Variants in GREB1L observed in about 807,000 individuals in gnomAD.
GREB1L encodes the protein GREB1-like protein.
Under a neutral mutation model 200.8 loss-of-function variants are expected in GREB1L, and 17 were observed. The ratio of observed to expected loss-of-function variants is 0.08; its 90% CI spans 0.06 to 0.13. The LOEUF (loss-of-function observed/expected upper bound fraction) is 0.13. GREB1L is among the 10% of genes least tolerant of loss of function. The pLI, the probability that GREB1L is intolerant of heterozygous loss-of-function variation, is 1.00. For synonymous variants in GREB1L, 789 were observed against 893.0 expected (o/e 0.88, Z 2.08); for missense variants, 1,657 against 2,367.7 (o/e 0.70, Z 6.23).
rs983273395 is a variant in GREB1L at position 21,526,064 on chromosome 18, A to G, written c.*3243A>G. On this transcript the variant is annotated 3_prime_UTR_variant, in exon 33 of 33. Coordinates refer to ENST00000424526, the MANE Select transcript of GREB1L (RefSeq NM_001142966.3). ...GACTGCTGCAACATCACACTAAACTACTTAGGCCTGAAACAACATCCAGAG... is the reference window on the plus strand; with the variant it reads ...GACTGCTGCAACATCACACTAAACTGCTTAGGCCTGAAACAACATCCAGAG... 1.3e-5 allele frequency among the ~76,000 whole-genome samples: 2 copies of G among 152,176 alleles called. No individual in the cohort carries two copies. Among genetic ancestry groups the G allele is most frequent in the African/African-American group, 4.8e-5 (2 of 41,438 alleles).
intron 1 of GREB1L, among the ~76,000 whole-genome samples, chr18:21,286,254 A>C (rs1037500157): frequency 6.6e-6 from 1 of 152,184 alleles, no homozygotes; most frequent in African/African-American, 2.4e-5. Flanking sequence ...CCTGTATGTG[A>C]AGTTGATTAG....
chr18:21,518,129 G>A lies in GREB1L; in HGVS notation c.5367G>A (p.Leu1789=). ...TGGCAGCCCCTGCACAGTTTCTCCTGGAGAAATTCCTTCAGCACGCCTCAT... is the reference window on the plus strand; with the variant it reads ...TGGCAGCCCCTGCACAGTTTCTCCTAGAGAAATTCCTTCAGCACGCCTCAT... ...TLLAAPAQFL[L]EKFLQHASYK... is the part of the protein sequence containing the mutation. Residue 1789 remains leucine, a synonymous_variant, in exon 31 of 33, where the codon CTG becomes CTA. Transcript: ENST00000424526. 6.4e-7 allele frequency: 1 copy of A among 1,551,614 alleles called. No individual in the cohort carries two copies. The highest frequency in any genetic ancestry group is 8.7e-7 in the Non-Finnish European group (1 of 1,146,982).
intron 15 of GREB1L, among the ~76,000 whole-genome samples, chr18:21,469,532 C>T (rs572236843): frequency 2.0e-5 from 3 of 152,182 alleles, no homozygotes; most frequent in African/African-American, 7.2e-5. Flanking sequence ...TTCCAAGAAA[C>T]CTGATTCCTT....
chr18:21,256,940 G>A (rs1339660396), intron 1 of GREB1L, among the ~76,000 whole-genome samples: 12 of 150,494 alleles, frequency 8.0e-5, no homozygotes, highest in African/African-American at 2.0e-4. Flanking sequence ...GGGAGGTGGC[G>A]GTTGCAGTGA....
chr18:21,380,384 G>A (rs1256651093), intron 2 of GREB1L: 5 of 152,100 alleles, frequency 3.3e-5, no homozygotes, highest in Non-Finnish European at 7.3e-5. Context: ...GCATCCTCAG[G>A]GTTCTTCTCA....
intron 7 of GREB1L, among the ~76,000 whole-genome samples, chr18:21,407,320 C>T (rs754398009): frequency 5.9e-5 from 9 of 152,060 alleles, no homozygotes; most frequent in Non-Finnish European, 1.2e-4. Flanking sequence ...TTAATCGGGA[C>T]GAGAATTCAG....
intron 1 of GREB1L, among the ~76,000 whole-genome samples, chr18:21,243,873 T>C (rs1356648316): frequency 6.6e-6 from 1 of 151,936 alleles, no homozygotes; most frequent in Non-Finnish European, 1.5e-5. Context: ...CAGTGAAGAG[T>C]ATACAGTGTA....
At chr18:21,373,582 C>CCTTG (rs929103548) in intron 2 of GREB1L, among the ~76,000 whole-genome samples, 1 of 152,218 alleles carries the variant, frequency 6.6e-6, no homozygotes, top group African/African-American at 2.4e-5. Flanking sequence ...GATCCACCCG[C>CCTTG]CTTGGCCTCC....
At chr18:21,480,077 G>A (rs1279909136) in intron 17 of GREB1L, among the ~76,000 whole-genome samples, 1 of 152,134 alleles carries the variant, frequency 6.6e-6, no homozygotes, top group South Asian at 2.1e-4. Flanking sequence ...TTGGCTAGGC[G>A]CGGTGGCTCA....
chr18:21,242,819 G>A (rs1459055267), intron 1 of GREB1L, among the ~76,000 whole-genome samples: 1 of 152,140 alleles, frequency 6.6e-6, no homozygotes, highest in Non-Finnish European at 1.5e-5. Flanking sequence ...GGGGCACCTG[G>A]TTCGTCTCCC....
chr18:21,499,897 A>G lies in GREB1L; in HGVS notation c.3560A>G (p.Asp1187Gly). 1 of 1,549,470 alleles carries G rather than the reference A, an allele frequency of 6.5e-7. No homozygotes were observed. The highest frequency in any genetic ancestry group is 8.7e-7 in the Non-Finnish European group (1 of 1,146,170). ...GGGGAGACTCTGAAGCAGGAATGTG[A>G]CTCCCTGGGCCCCCAGATGGCGAGC... is the stretch of plus-strand genomic sequence containing the variant. The part of the protein sequence containing the change: ...GAGETLKQEC[D>G]SLGPQMASST... The change falls in exon 22 of 33, where the codon GAC (aspartate) becomes GGC (glycine). Residue 1187 changes from aspartate (D) to glycine (G), a missense_variant. By Grantham distance (94) the Asp-to-Gly change is moderately conservative (BLOSUM62 -1). Transcript: ENST00000424526.
At chr18:21,449,349 T>G (rs1171438625) in intron 11 of GREB1L, among the ~76,000 whole-genome samples, 161 bp from the exon 12 acceptor site, 9 of 152,162 alleles carry the variant, frequency 5.9e-5, no homozygotes, top group Admixed American at 5.9e-4. Context: ...AGGGAATGAT[T>G]AGTAGGGACT....
chr18:21,274,613 G>T lies in GREB1L; in HGVS notation c.-120+32220G>T, dbSNP rs1407486702. Among the ~76,000 whole-genome samples, 9 of 152,158 alleles carry T rather than the reference G, an allele frequency of 5.9e-5. 1 individual carries two copies. In the South Asian group the frequency reaches 1.0e-3, roughly 18 times the overall value. On this transcript the variant is annotated intron_variant, in intron 1 of 32. Transcript: ENST00000424526. ...TTTTATTTTTCAATTAAAAATACCG[G>T]CTAGGCACAATGACACATGCCTGTA... is the stretch of plus-strand genomic sequence containing the variant.
chr18:21,521,539 CTTATTTATTTAT>C (rs552940717), intron 32 of GREB1L, among the ~76,000 whole-genome samples: 1 of 152,024 alleles, frequency 6.6e-6, no homozygotes, highest in Non-Finnish European at 1.5e-5. Context: ...CATTCATTCA[CTTATTTATTTAT>C]TTATTTATTT....
rs548861273 is a variant in GREB1L, at chr18:21,505,539, T to C, written c.4200T>C (p.Tyr1400=). 6.2e-5 allele frequency: 96 copies of C among 1,551,818 alleles called. 2 individuals are homozygous for C. The South Asian group carries it at 1.0e-3, about 17-fold the overall frequency. The part of the protein sequence containing the change: ...DPKYSLMSLV[Y]TEKLAGVKQE... ...AGTACAGTTTGATGAGCCTGGTGTA[T>C]ACTGAGAAGCTGGCAGGGGTCAAAC... The change falls in exon 24 of 33, where the codon TAT becomes TAC. Residue 1400 remains tyrosine (Y), a synonymous_variant. Transcript: ENST00000424526.
At chr18:21,515,320 G>A (rs1159952476) in intron 28 of GREB1L, 97 bp from the exon 29 acceptor site, 8 of 803,016 alleles carry the variant, frequency 1.0e-5, no homozygotes. Context: ...TTTTATCCTT[G>A]AGAGTATTAC....
At chr18:21,363,522 A>T (rs2039613640) in intron 1 of GREB1L, 1 of 151,964 alleles carries the variant, frequency 6.6e-6, no homozygotes, top group South Asian at 2.1e-4. Context: ...CCCTGTCTTA[A>T]GCTTGCAGTT....
intron 1 of GREB1L, among the ~76,000 whole-genome samples, chr18:21,331,283 A>G (rs913983646): frequency 6.6e-6 from 1 of 152,198 alleles, no homozygotes; most frequent in Non-Finnish European, 1.5e-5. Context: ...CTGATGGACA[A>G]TTCTGCTGAT....
At chr18:21,367,607 G>T (rs2039724584) in intron 2 of GREB1L, among the ~76,000 whole-genome samples, 1 of 152,144 alleles carries the variant, frequency 6.6e-6, no homozygotes, top group Non-Finnish European at 1.5e-5. Flanking sequence ...ACTCTAAAAA[G>T]TAATATTTGA....
Sources: allele counts gnomAD v4.1 joint callset (sites outside exome capture counted in the v4.1 genomes callset), GRCh38; gene constraint gnomAD v4.1.1; transcripts MANE v1.5; gene names NCBI Gene and HGNC (gene_info 2026-07-23, HGNC 2026-07-21).